Variants in RANBP2 observed in about 807,000 individuals in gnomAD.
RANBP2 encodes E3 SUMO-protein ligase RanBP2.
In RANBP2, 57 loss-of-function variants were observed where a neutral mutation model predicts 303.6. That is an observed-to-expected ratio of 0.19 (90% CI 0.15 to 0.23). RANBP2 has a LOEUF of 0.23. Among genes scored for constraint, RANBP2 ranks in the 10% least tolerant of loss-of-function variants. RANBP2 has a pLI of 1.00. For synonymous variants in RANBP2, 1,167 were observed against 1,301.5 expected (o/e 0.90, Z 2.23); for missense variants, 3,138 against 3,780.8 (o/e 0.83, Z 4.46).
chr2:109,281,354 CT>C, the RANBP2 span, among the ~76,000 whole-genome samples: 1 of 152,206 alleles, frequency 6.6e-6, no homozygotes, highest in African/African-American at 2.4e-5. Flanking sequence ...AGGAATTCTA[CT>C]CTTGGGACTT....
At chr2:109,610,923 G>C in the RANBP2 span, among the ~76,000 whole-genome samples, 1 of 152,184 alleles carries the variant, frequency 6.6e-6, no homozygotes, top group Admixed American at 6.5e-5. Flanking sequence ...ATCTGGGGGA[G>C]AGAAGAATAA....
the RANBP2 span, among the ~76,000 whole-genome samples, chr2:109,200,288 C>T: frequency 6.6e-6 from 1 of 152,312 alleles, no homozygotes; most frequent in South Asian, 2.1e-4. Flanking sequence ...CAGTGGGCGT[C>T]TGTTTGCTCA....
At chr2:109,359,518 G>A in the RANBP2 span, among the ~76,000 whole-genome samples, 3 of 151,940 alleles carry the variant, frequency 2.0e-5, no homozygotes, top group African/African-American at 7.3e-5. Flanking sequence ...TATTTCATTT[G>A]TACCTAAGTA....
the RANBP2 span, among the ~76,000 whole-genome samples, chr2:109,018,714 C>CT: frequency 6.6e-6 from 1 of 152,356 alleles, no homozygotes; most frequent in Non-Finnish European, 1.5e-5. Flanking sequence ...CACTGGCACT[C>CT]TAACTTATCC....
At chr2:109,225,439 A>G in the RANBP2 span, among the ~76,000 whole-genome samples, 1 of 152,110 alleles carries the variant, frequency 6.6e-6, no homozygotes, top group East Asian at 1.9e-4. Flanking sequence ...TTCTCACACA[A>G]ACAACTCCCT....
the RANBP2 span, among the ~76,000 whole-genome samples, chr2:108,928,105 C>T: frequency 6.6e-6 from 1 of 152,128 alleles, no homozygotes; most frequent in Admixed American, 6.5e-5. Context: ...GTTTCCAGAG[C>T]CTGGTTCCAT....
chr2:108,812,752 A>G, the RANBP2 span: 1 of 1,610,206 alleles, frequency 6.2e-7, no homozygotes, highest in Non-Finnish European at 8.5e-7. Context: ...ATGTTTTTAG[A>G]TGATTACCTT....
chr2:109,018,557 G>T, the RANBP2 span, among the ~76,000 whole-genome samples: 2 of 152,194 alleles, frequency 1.3e-5, no homozygotes, highest in Non-Finnish European at 2.9e-5. Flanking sequence ...CATGCAGTGT[G>T]CGCTGACCCC....
chr2:108,813,102 A>G, the RANBP2 span, among the ~76,000 whole-genome samples: 2 of 151,966 alleles, frequency 1.3e-5, no homozygotes, highest in African/African-American at 4.8e-5. Context: ...ACAGAAAATT[A>G]GCCAGGCATG....
chr2:109,544,282 G>A, the RANBP2 span: 1 of 1,612,448 alleles, frequency 6.2e-7, no homozygotes, highest in Non-Finnish European at 8.5e-7. Context: ...TTGTGATGAT[G>A]ACCTTCTGTG....
At chr2:109,442,646 G>A in the RANBP2 span, among the ~76,000 whole-genome samples, 3 of 152,130 alleles carry the variant, frequency 2.0e-5, no homozygotes, top group Non-Finnish European at 4.4e-5. Context: ...GAATCTTTAT[G>A]TTATGAAATC....
chr2:108,867,804 T>C, the RANBP2 span, among the ~76,000 whole-genome samples: 1 of 152,276 alleles, frequency 6.6e-6, no homozygotes. Flanking sequence ...TGCTGTGTTA[T>C]GTTCCAGCCT....
the RANBP2 span, among the ~76,000 whole-genome samples, chr2:109,136,665 T>C: frequency 4.2e-4 from 64 of 152,182 alleles, no homozygotes; most frequent in Non-Finnish European, 8.4e-4. Context: ...CGCTCTTGGG[T>C]AGCACGTGTT....
chr2:108,981,239 T>C, the RANBP2 span, among the ~76,000 whole-genome samples: 1 of 152,288 alleles, frequency 6.6e-6, no homozygotes, highest in Middle Eastern at 3.4e-3. Context: ...TCTGGGCCTG[T>C]GTCCACCTGA....
chr2:108,885,841 A>T, the RANBP2 span, among the ~76,000 whole-genome samples: 1 of 152,196 alleles, frequency 6.6e-6, no homozygotes, highest in African/African-American at 2.4e-5. Flanking sequence ...TAGCTTCCAC[A>T]TATAAGTGGA....
chr2:109,243,462 G>A, the RANBP2 span, among the ~76,000 whole-genome samples: 6 of 152,194 alleles, frequency 3.9e-5, no homozygotes, highest in African/African-American at 1.2e-4. Context: ...TATTCTCCTC[G>A]TGTGCATTCC....
At chr2:109,109,059 T>C in the RANBP2 span, among the ~76,000 whole-genome samples, 1 of 152,246 alleles carries the variant, frequency 6.6e-6, no homozygotes, top group Non-Finnish European at 1.5e-5. Flanking sequence ...ATTTACCTAA[T>C]ACATGTGCTC....
chr2:109,215,476 G>A, the RANBP2 span, among the ~76,000 whole-genome samples: 8 of 152,212 alleles, frequency 5.3e-5, no homozygotes, highest in East Asian at 1.5e-3. Context: ...CAGAACAGGG[G>A]TGGGAGGTAG....
the RANBP2 span, among the ~76,000 whole-genome samples, chr2:109,050,871 T>C: frequency 6.6e-6 from 1 of 152,206 alleles, no homozygotes; most frequent in Non-Finnish European, 1.5e-5. Flanking sequence ...TAGTGTACTA[T>C]GTATTTAGGA....
Sources: allele counts gnomAD v4.1 joint callset (sites outside exome capture counted in the v4.1 genomes callset), GRCh38; gene constraint gnomAD v4.1.1; transcripts MANE v1.5; gene names NCBI Gene and HGNC (gene_info 2026-07-23, HGNC 2026-07-21).